UNC5A: variants seen among roughly 807,000 people sequenced by gnomAD.
The protein encoded by UNC5A is unc-5 netrin receptor A, also known as netrin receptor UNC5A.
In UNC5A, 20 loss-of-function variants were observed where a neutral mutation model predicts 87.4. That is an observed-to-expected ratio of 0.23 (90% CI 0.16 to 0.33). The LOEUF (loss-of-function observed/expected upper bound fraction) is 0.33. Among genes scored for constraint, UNC5A ranks in the 10% least tolerant of loss-of-function variants. The pLI is 1.00. For missense variants in UNC5A, 844 were observed against 1,133.4 expected, an observed-to-expected ratio of 0.74 and a Z score of 3.67; for synonymous variants, 438 against 482.3, an observed-to-expected ratio of 0.91 and a Z score of 1.20.
At position 176,824,454 on chromosome 5, in the gene UNC5A, G is replaced by A. The variant is rs957786243; in HGVS notation, c.70+13634G>A. On this transcript the variant is annotated intron_variant, in intron 1 of 14. Coordinates refer to ENST00000329542, the MANE Select transcript of UNC5A (RefSeq NM_133369.3). This position sits in a 1 kb window ranked among gnomAD's most constrained non-coding sequence, Gnocchi z 4.2. ...TGCACCTGAAAGGGGCCTGACCGAG[G>A]ATCTTAGGAGAAAGATGATGATGTG... 1.2e-4 allele frequency among the ~76,000 whole-genome samples: 19 copies of A among 152,144 alleles called. No individual in the cohort carries two copies. The highest frequency in any genetic ancestry group is 4.6e-4 in the African/African-American group (19 of 41,432).
rs1224073316 is a variant in UNC5A, at chr5:176,879,467, C to T, written c.2342C>T (p.Ala781Val). ...CGGGGTGCCGACTGGCGGACTCTGG[C>T]CCAGAAACTCCACCTGGACAGGTGG... The part of the protein sequence containing the change: ...CRRGADWRTL[A>V]QKLHLDSHLS... Residue 781 changes from alanine to valine, a missense_variant, in exon 14 of 15, where the codon GCC (alanine) becomes GTC (valine). Ala to Val is a moderately conservative substitution (Grantham distance 64). Around this residue, in one of 3 missense-constraint regions of UNC5A, gnomAD observed 177 missense variants for 279.4 expected, o/e 0.63. Coordinates refer to ENST00000329542, the MANE Select transcript of UNC5A (RefSeq NM_133369.3). 6.2e-7 allele frequency: 1 copy of T among 1,609,384 alleles called. No homozygotes were observed. The highest frequency in any genetic ancestry group is 1.1e-5 in the South Asian group (1 of 90,542).
rs192528965 is a variant in UNC5A, at chr5:176,848,780, G to A, written c.71-13844G>A. 9.9e-5 allele frequency among the ~76,000 whole-genome samples: 15 copies of A among 152,278 alleles called. No individual in the cohort carries two copies. Among genetic ancestry groups the A allele is most frequent in the East Asian group, 7.7e-4 (4 of 5,178 alleles). The stretch of plus-strand genomic sequence containing the variant: ...GGGCAGGAGCTGAGGCTCAGACCAC[G>A]GGCACACAAGATGGGCAGCCGCGGC... On this transcript the variant is annotated intron_variant, in intron 1 of 14. Transcript: ENST00000329542. The surrounding 1 kb of genome is among the most constrained non-coding windows in gnomAD (Gnocchi z 5.8).
Position 176,825,101 on chromosome 5 carries a change from A to G in UNC5A, c.70+14281A>G, listed in dbSNP as rs527761647. On this transcript the variant is annotated intron_variant, in intron 1 of 14. Coordinates refer to ENST00000329542, the MANE Select transcript of UNC5A (RefSeq NM_133369.3). ...GGAGGATAGTCAGGTGGAAACATCT[A>G]AAAGATAATTGGAAACTGGGAGTGG... is the stretch of plus-strand genomic sequence containing the variant. Among the ~76,000 whole-genome samples the G allele has an allele frequency of 6.2e-4, 95 of 152,314 alleles. 1 individual carries two copies. Among genetic ancestry groups the G allele is most frequent in the Non-Finnish European group, 1.9e-4 (13 of 68,032 alleles).
At chr5:176,846,628 C>T (rs941059604) in intron 1 of UNC5A, among the ~76,000 whole-genome samples, 15 of 152,140 alleles carry the variant, frequency 9.9e-5, no homozygotes, top group African/African-American at 3.6e-4. Context: ...GGGCGGTAAC[C>T]TTGGACTTAC....
chr5:176,858,117 G>T (rs75407401), intron 1 of UNC5A, among the ~76,000 whole-genome samples: 1 of 152,208 alleles, frequency 6.6e-6, no homozygotes, highest in Non-Finnish European at 1.5e-5. Context: ...GCTAATGCCC[G>T]CATTAAGCAG....
intron 2 of UNC5A, among the ~76,000 whole-genome samples, chr5:176,867,368 GCT>G: frequency 6.6e-6 from 1 of 152,250 alleles, no homozygotes; most frequent in South Asian, 2.1e-4. Context: ...AGTCCCCCCA[GCT>G]CACCCTAGTT....
In UNC5A at chr5:176,879,851, G is replaced by A. The variant is rs553703761; in HGVS notation, c.2494G>A (p.Ala832Thr). The A allele has an allele frequency of 3.0e-5, 49 of 1,612,190 alleles. No individual in the cohort carries two copies. The highest frequency in any genetic ancestry group is 3.8e-5 in the Non-Finnish European group (45 of 1,179,780). Residue 832 changes from alanine (A) to threonine (T), a missense_variant, in exon 15 of 15, where the codon GCT becomes ACT. Physicochemically the swap from Ala to Thr is moderately conservative, Grantham distance 58 (BLOSUM62 0). Around this residue, in one of 3 missense-constraint regions of UNC5A, gnomAD observed 177 missense variants for 279.4 expected, o/e 0.63. Transcript: ENST00000329542. ...AAVAGLGQPD[A>T]GLFTVSEAEC is the part of the protein sequence containing the mutation. Reference sequence around the variant, plus strand: ...AGTGGCTGGACTGGGCCAGCCAGACGCTGGCCTCTTCACAGTGTCGGAGGC... The same window carrying A: ...AGTGGCTGGACTGGGCCAGCCAGACACTGGCCTCTTCACAGTGTCGGAGGC...
chr5:176,859,104 T>C (rs55726719), intron 1 of UNC5A, among the ~76,000 whole-genome samples: 8,846 of 110,200 alleles, frequency 0.08, 1,181 homozygotes, highest in African/African-American at 0.21. Context: ...TGCTAGAATG[T>C]CCTTGCTAGA....
intron 1 of UNC5A, among the ~76,000 whole-genome samples, chr5:176,855,603 G>A (rs576362032): frequency 3.3e-5 from 5 of 152,350 alleles, no homozygotes; most frequent in East Asian, 1.9e-4. Flanking sequence ...TGCACGTGGC[G>A]AAGACGCCGC....
chr5:176,865,936 C>T lies in UNC5A; in HGVS notation c.293-2194C>T, dbSNP rs186810587. Among the ~76,000 whole-genome samples the T allele has an allele frequency of 1.1e-4, 17 of 152,368 alleles. No homozygotes were observed. Among genetic ancestry groups the T allele is most frequent in the African/African-American group, 4.1e-4 (17 of 41,582 alleles). Reference sequence around the variant, plus strand: ...AAAGCCTGAAATTTGCAAAACCAAGCACTGGAGTCCGGTCTGGGAGTATAA... The same window carrying T: ...AAAGCCTGAAATTTGCAAAACCAAGTACTGGAGTCCGGTCTGGGAGTATAA... On this transcript the variant is annotated intron_variant, in intron 2 of 14. Transcript: ENST00000329542. The surrounding 1 kb of genome is among the most constrained non-coding windows in gnomAD (Gnocchi z 5.3).
intron 1 of UNC5A, among the ~76,000 whole-genome samples, chr5:176,859,492 G>C (rs1288537578): frequency 3.7e-5 from 4 of 109,166 alleles, no homozygotes; most frequent in Admixed American, 8.6e-5. Flanking sequence ...ATAGCTGCTA[G>C]AATGCCCTTG....
chr5:176,853,127 T>A (rs1757585651), intron 1 of UNC5A, among the ~76,000 whole-genome samples: 2 of 152,160 alleles, frequency 1.3e-5, no homozygotes, highest in African/African-American at 4.8e-5. Context: ...GCACGACAAG[T>A]GCAAAGGCCC....
chr5:176,843,213 T>C (rs950742710), intron 1 of UNC5A, among the ~76,000 whole-genome samples: 3 of 150,132 alleles, frequency 2.0e-5, no homozygotes, highest in Non-Finnish European at 4.5e-5. Flanking sequence ...AAGAAAATCA[T>C]CAAAATGTGG....
In UNC5A at chr5:176,852,062, G is replaced by A. The variant is rs913134868; in HGVS notation, c.71-10562G>A. On this transcript the variant is annotated intron_variant, in intron 1 of 14. Coordinates refer to ENST00000329542, the MANE Select transcript of UNC5A (RefSeq NM_133369.3). ...TCTGTCGTGTTCCCAGCGCCCTGCC[G>A]GCTACCCTCTCTTGGCCTCTCGCCT... 3.9e-5 allele frequency among the ~76,000 whole-genome samples: 6 copies of A among 152,130 alleles called. No individual in the cohort carries two copies. The South Asian group carries it at 6.2e-4, about 16-fold the overall frequency.
intron 1 of UNC5A, among the ~76,000 whole-genome samples, chr5:176,842,098 G>A (rs1447537912): frequency 2.0e-5 from 3 of 152,258 alleles, no homozygotes; most frequent in Non-Finnish European, 4.4e-5. Flanking sequence ...TCGGGAGGCT[G>A]AGGCAGGAGA....
chr5:176,840,297 G>A (rs1276893242), intron 1 of UNC5A, among the ~76,000 whole-genome samples: 3 of 152,172 alleles, frequency 2.0e-5, no homozygotes, highest in Non-Finnish European at 4.4e-5. Flanking sequence ...GAGTGTCAGA[G>A]AGAGGAGGGA....
chr5:176,877,328 C>T (rs970709267), intron 9 of UNC5A, 49 bp downstream of exon 9: 1 of 1,520,904 alleles, frequency 6.6e-7, no homozygotes, highest in South Asian at 1.2e-5. Flanking sequence ...CTGCCTGCTG[C>T]CTTCGGTCCC....
rs781339986 is a variant in UNC5A at position 176,869,004 on chromosome 5, C to T, written c.721+40C>T. The T allele has an allele frequency of 2.3e-5, 36 of 1,556,768 alleles. No individual in the cohort carries two copies. In the South Asian group the frequency reaches 2.6e-4, roughly 11 times the overall value. ...TCCCTGGTCACAGGGAGAGGCACTGCGGTGCCCCTGGGCAGTGACATGTGG... is the reference window on the plus strand; with the variant it reads ...TCCCTGGTCACAGGGAGAGGCACTGTGGTGCCCCTGGGCAGTGACATGTGG... On this transcript the variant is annotated intron_variant, in intron 5 of 14. Transcript: ENST00000329542. The surrounding 1 kb of genome is among the most constrained non-coding windows in gnomAD (Gnocchi z 9.1).
chr5:176,868,552 C>T lies in UNC5A; in HGVS notation c.437-9C>T, dbSNP rs1286521936. On this transcript the variant is annotated splice_polypyrimidine_tract_variant and intron_variant, in intron 3 of 14. Coordinates refer to ENST00000329542, the MANE Select transcript of UNC5A (RefSeq NM_133369.3). ...CTCAGACAGGAGGACACTCTCATTC[C>T]TCTTCTAGATTTGCGCAAGAACTTC... 6.3e-7 allele frequency: 1 copy of T among 1,592,556 alleles called. No homozygotes were observed. Among genetic ancestry groups the T allele is most frequent in the Non-Finnish European group, 8.5e-7 (1 of 1,170,330 alleles).
Sources: gnomAD v4.1 joint callset for allele counts (sites outside exome capture counted in the v4.1 genomes callset) on GRCh38, gnomAD v4.1.1 for gene constraint, gnomAD v4.1.1 regional missense constraint, Gnocchi (gnomAD v3.1) non-coding constraint, MANE v1.5 for transcripts, NCBI Gene and HGNC (gene_info 2026-07-23, HGNC 2026-07-21) for gene names.